Variants in RBFOX1 observed in about 807,000 individuals in gnomAD.
The protein encoded by RBFOX1 is RNA binding fox-1 homolog 1.
Under a neutral mutation model 57.7 loss-of-function variants are expected in RBFOX1, and 8 were observed. The ratio of observed to expected loss-of-function variants is 0.14; its 90% confidence interval spans 0.08 to 0.25. The LOEUF is 0.25. Ranked by LOEUF, RBFOX1 falls within the 10% of genes least tolerant of loss-of-function variation. The pLI is 1.00. For synonymous variants in RBFOX1, 326 were observed against 222.4 expected, an observed-to-expected ratio of 1.47 and a Z score of -4.15; for missense variants, 611 against 548.5, an observed-to-expected ratio of 1.11 and a Z score of -1.14.
At chr16:6,541,916 G>C (rs2096825648) in intron 2 of RBFOX1, among the ~76,000 whole-genome samples, 1 of 151,920 alleles carries the variant, frequency 6.6e-6, no homozygotes, top group Admixed American at 6.6e-5. Context: ...AGTGTTCACT[G>C]CTTTAGTGTT....
chr16:7,279,950 A>G (rs1007411563), intron 4 of RBFOX1, among the ~76,000 whole-genome samples: 4 of 152,318 alleles, frequency 2.6e-5, no homozygotes, highest in Admixed American at 2.0e-4. Flanking sequence ...GCCTGGTAAC[A>G]ATAGGGCAGC....
rs549406558 is a variant in RBFOX1 at position 7,061,618 on chromosome 16, C to A, written c.27+9520C>A. Among the ~76,000 whole-genome samples, 10 of 152,326 alleles carry A rather than the reference C, an allele frequency of 6.6e-5. No individual in the cohort carries two copies. In the South Asian group the frequency reaches 1.9e-3, roughly 28 times the overall value. The stretch of plus-strand genomic sequence containing the variant: ...GGATATTTGGCCTAATATTCATTCT[C>A]CCTTTCCCTTGCTTTAATTTAGCCT... On this transcript the variant is annotated intron_variant, in intron 4 of 15. Transcript: ENST00000550418.
chr16:7,438,568 TA>T (rs1481975183), intron 4 of RBFOX1, among the ~76,000 whole-genome samples: 4 of 152,312 alleles, frequency 2.6e-5, no homozygotes, highest in East Asian at 1.9e-4. Flanking sequence ...CACTCATTTG[TA>T]AACCTCTCTG....
intron 4 of RBFOX1, among the ~76,000 whole-genome samples, chr16:7,515,835 CGTT>C (rs139201687): frequency 3.4e-4 from 51 of 151,320 alleles, no homozygotes; most frequent in African/African-American, 7.5e-4. Context: ...AGTGGCAGTT[CGTT>C]GTTGTTGTTG....
chr16:6,350,671 C>A (rs1384206766), intron 2 of RBFOX1, among the ~76,000 whole-genome samples: 1 of 152,106 alleles, frequency 6.6e-6, no homozygotes, highest in African/African-American at 2.4e-5. Flanking sequence ...AATCACCACC[C>A]TCTTGTGAGT....
At chr16:5,699,313 C>T (rs562679801) in intron 3 of RBFOX1, among the ~76,000 whole-genome samples, 22 of 151,494 alleles carry the variant, frequency 1.5e-4, no homozygotes, top group African/African-American at 5.3e-4. Flanking sequence ...GAAGTATTTA[C>T]ATATATTGTG....
chr16:5,477,410 G>T (rs8061285), intron 2 of RBFOX1, among the ~76,000 whole-genome samples: 55,060 of 152,068 alleles, frequency 0.36, 10,938 homozygotes, highest in South Asian at 0.54. Flanking sequence ...AATACCCAAA[G>T]AGCTAGGAGA....
At chr16:7,417,451 G>C (rs1597923415) in intron 4 of RBFOX1, among the ~76,000 whole-genome samples, 1 of 149,812 alleles carries the variant, frequency 6.7e-6, no homozygotes, top group South Asian at 2.1e-4. Context: ...TATAACCAAA[G>C]TACACCACCA....
chr16:7,425,474 A>C (rs927854622), intron 4 of RBFOX1, among the ~76,000 whole-genome samples: 6 of 152,218 alleles, frequency 3.9e-5, no homozygotes, highest in African/African-American at 1.4e-4. Context: ...CCTTCTTTGA[A>C]GGACTTAAAA....
chr16:6,503,587 A>G (rs1271460710), intron 2 of RBFOX1, among the ~76,000 whole-genome samples: 1 of 152,104 alleles, frequency 6.6e-6, no homozygotes, highest in Non-Finnish European at 1.5e-5. Context: ...CAGTTTTCTT[A>G]TTTGTGGCCT....
intron 3 of RBFOX1, among the ~76,000 whole-genome samples, chr16:6,921,967 A>G (rs1007795822): frequency 3.3e-5 from 5 of 152,174 alleles, no homozygotes; most frequent in Admixed American, 2.0e-4. Context: ...GAAATATTGT[A>G]TGAATTAGAA....
At chr16:6,514,351 T>G (rs1053185135) in intron 2 of RBFOX1, among the ~76,000 whole-genome samples, 4 of 152,162 alleles carry the variant, frequency 2.6e-5, no homozygotes, top group Non-Finnish European at 4.4e-5. Flanking sequence ...CTTAAGAGCT[T>G]CTGTGTCTTT....
intron 1 of RBFOX1, among the ~76,000 whole-genome samples, chr16:6,119,743 T>G (rs893052983): frequency 6.6e-6 from 1 of 152,102 alleles, no homozygotes; most frequent in Non-Finnish European, 1.5e-5. Flanking sequence ...CCCTAAGCAA[T>G]CCTCCCTCAG....
At chr16:5,916,123 A>G (rs12443879) in intron 4 of RBFOX1, among the ~76,000 whole-genome samples, 13,036 of 152,134 alleles carry the variant, frequency 0.086, 870 homozygotes, top group African/African-American at 0.18. Flanking sequence ...AATGTAAGAC[A>G]TTGGAGAGCC....
At chr16:6,428,021 GC>G (rs1410202624) in intron 2 of RBFOX1, among the ~76,000 whole-genome samples, 1 of 152,142 alleles carries the variant, frequency 6.6e-6, no homozygotes, top group Non-Finnish European at 1.5e-5. Context: ...GGTGGCTCAT[GC>G]CTGTAATCCC....
At chr16:6,987,521 C>T (rs1163034962) in intron 3 of RBFOX1, among the ~76,000 whole-genome samples, 1 of 151,204 alleles carries the variant, frequency 6.6e-6, no homozygotes, top group Non-Finnish European at 1.5e-5. Flanking sequence ...ATGCCCCACA[C>T]ATTGCAAACA....
chr16:7,099,986 C>G (rs2062394259), intron 4 of RBFOX1, among the ~76,000 whole-genome samples: 1 of 151,992 alleles, frequency 6.6e-6, no homozygotes, highest in Non-Finnish European at 1.5e-5. Context: ...CAGTTCTCAT[C>G]ATGGTCTGAA....
intron 1 of RBFOX1, among the ~76,000 whole-genome samples, chr16:6,118,558 CCTTTCT>C (rs377733468): frequency 1.4e-4 from 21 of 151,992 alleles, no homozygotes; most frequent in East Asian, 2.0e-4. Context: ...TTGTTCTCTT[CCTTTCT>C]CTTTCTCTTT....
chr16:5,514,460 C>G (rs1027966779), intron 2 of RBFOX1, among the ~76,000 whole-genome samples: 7 of 152,120 alleles, frequency 4.6e-5, no homozygotes, highest in African/African-American at 1.7e-4. Flanking sequence ...CATCATAAGG[C>G]CAGCCCAGAT....
Sources: allele counts gnomAD v4.1 joint callset (sites outside exome capture counted in the v4.1 genomes callset), GRCh38; gene constraint gnomAD v4.1.1; transcripts MANE v1.5; gene names NCBI Gene and HGNC (gene_info 2026-07-23, HGNC 2026-07-21).